The following RP1 variants were observed in gnomAD, a reference collection of about 807,000 sequenced individuals.
RP1 encodes the protein oxygen-regulated protein 1.
RP1 carries 16 observed loss-of-function variants against 14.8 expected under a neutral mutation model. The ratio of observed to expected loss-of-function variants is 1.08; its 90% confidence interval spans 0.73 to 1.65. The LOEUF (loss-of-function observed/expected upper bound fraction) is 1.65. RP1 is among the 40% of genes most tolerant of loss of function. The probability of loss-of-function intolerance (pLI) is 0.00; values close to 1 mark genes in which losing one functional copy is unlikely to be tolerated. For missense variants in RP1, 2,631 were observed against 2,535.0 expected, an observed-to-expected ratio of 1.04 and a Z score of -0.81; for synonymous variants, 876 against 883.6, an observed-to-expected ratio of 0.99 and a Z score of 0.15.
chr8:54,711,401 T>A (rs1015220538), intron 15 of RP1, among the ~76,000 whole-genome samples: 1 of 152,186 alleles, frequency 6.6e-6, no homozygotes, highest in African/African-American at 2.4e-5. Context: ...ATTTGAAATT[T>A]TACACAGCCT....
intron 24 of RP1, among the ~76,000 whole-genome samples, chr8:54,835,855 A>C (rs1036875158): frequency 6.6e-6 from 1 of 152,188 alleles, no homozygotes; most frequent in African/African-American, 2.4e-5. Context: ...ACTGATTTCT[A>C]TCATATTCCT....
intron 1 of RP1, among the ~76,000 whole-genome samples, chr8:54,583,850 C>T (rs1415126973): frequency 1.3e-5 from 2 of 152,004 alleles, no homozygotes; most frequent in Non-Finnish European, 2.9e-5. Context: ...GGTGATATCC[C>T]CTTTATCATT....
chr8:54,843,430 G>T (rs1300863422), intron 25 of RP1, among the ~76,000 whole-genome samples: 2 of 152,020 alleles, frequency 1.3e-5, no homozygotes, highest in African/African-American at 4.8e-5. Flanking sequence ...CAACCAAGAG[G>T]CAGAGGATGA....
At chr8:54,577,816 G>T (rs1352209046) in intron 1 of RP1, among the ~76,000 whole-genome samples, 1 of 152,206 alleles carries the variant, frequency 6.6e-6, no homozygotes, top group Admixed American at 6.5e-5. Context: ...TTGTTCAACT[G>T]CATTGTTAAA....
chr8:54,782,373 T>C (rs1422627536), intron 23 of RP1, among the ~76,000 whole-genome samples: 2 of 152,204 alleles, frequency 1.3e-5, no homozygotes, highest in African/African-American at 4.8e-5. Flanking sequence ...AAATGATGTT[T>C]ATGTATATAC....
At chr8:54,848,718 C>T (rs1434719279) in intron 25 of RP1, among the ~76,000 whole-genome samples, 4 of 152,094 alleles carry the variant, frequency 2.6e-5, no homozygotes, top group African/African-American at 9.7e-5. Flanking sequence ...TGATGAAGAA[C>T]AGTTCTTTCC....
chr8:54,580,976 G>A (rs1341542327), intron 1 of RP1, among the ~76,000 whole-genome samples: 1 of 151,488 alleles, frequency 6.6e-6, no homozygotes, highest in Non-Finnish European at 1.5e-5. Flanking sequence ...ATGAAATCAG[G>A]ACTCAAATTC....
At chr8:54,796,749 T>G (rs1279462934) in intron 24 of RP1, among the ~76,000 whole-genome samples, 2 of 152,090 alleles carry the variant, frequency 1.3e-5, no homozygotes, top group African/African-American at 4.8e-5. Context: ...ACTTCCAGGA[T>G]CCAGAATGGT....
intron 1 of RP1, among the ~76,000 whole-genome samples, chr8:54,569,835 C>T (rs1191158286): frequency 2.0e-5 from 3 of 152,136 alleles, no homozygotes; most frequent in Non-Finnish European, 4.4e-5. Context: ...CGACGTACCG[C>T]ATGATGTCAG....
At chr8:54,766,551 TG>T (rs1228883744) in intron 22 of RP1, among the ~76,000 whole-genome samples, 2 of 152,126 alleles carry the variant, frequency 1.3e-5, no homozygotes, top group African/African-American at 2.4e-5. Context: ...TTTTTGGGGA[TG>T]GGGGTGGAGA....
In RP1 at chr8:54,844,516, G is replaced by A. The variant is rs567930402; in HGVS notation, c.3835+6847G>A. Among the ~76,000 whole-genome samples, 11 of 151,426 alleles carry A rather than the reference G, an allele frequency of 7.3e-5. No individual in the cohort carries two copies. In the East Asian group the frequency reaches 7.8e-4, roughly 11 times the overall value. On this transcript the variant is annotated intron_variant, in intron 25 of 28. Transcript: ENST00000637698. Reference sequence around the variant, plus strand: ...TAGACATGCTTGTCTCTGTGTGTGCGTATGTGTGTGCGTGTGTAGACAAGC... The same window carrying A: ...TAGACATGCTTGTCTCTGTGTGTGCATATGTGTGTGCGTGTGTAGACAAGC...
intron 5 of RP1, among the ~76,000 whole-genome samples, chr8:54,653,071 C>A (rs1170263246): frequency 6.6e-6 from 1 of 152,108 alleles, no homozygotes; most frequent in East Asian, 1.9e-4. Flanking sequence ...GCAATTCTTT[C>A]ACCTCTTTGC....
chr8:54,805,085 T>C (rs187398718), intron 24 of RP1, among the ~76,000 whole-genome samples: 51 of 152,240 alleles, frequency 3.3e-4, no homozygotes, highest in African/African-American at 1.2e-3. Context: ...GGAGAGAGAA[T>C]CAACAACACT....
chr8:54,822,087 T>C (rs1450613580), intron 24 of RP1, among the ~76,000 whole-genome samples: 1 of 152,198 alleles, frequency 6.6e-6, no homozygotes, highest in Non-Finnish European at 1.5e-5. Flanking sequence ...TTAGTAATTA[T>C]ATTTGAAAGA....
chr8:54,636,669 T>C (rs1448706388), intron 3 of RP1, among the ~76,000 whole-genome samples: 1 of 152,030 alleles, frequency 6.6e-6, no homozygotes, highest in Non-Finnish European at 1.5e-5. Context: ...ACCCGGTAGG[T>C]GGAGGTAGCA....
chr8:54,789,802 A>G (rs1563377181), intron 24 of RP1, among the ~76,000 whole-genome samples: 2 of 152,184 alleles, frequency 1.3e-5, no homozygotes, highest in Non-Finnish European at 2.9e-5. Context: ...GTCCTCACTG[A>G]CTGTGGAGCA....
chr8:54,799,846 A>AAAGG (rs1296639811), intron 24 of RP1, among the ~76,000 whole-genome samples: 1 of 152,084 alleles, frequency 6.6e-6, no homozygotes, highest in Non-Finnish European at 1.5e-5. Flanking sequence ...GCAATATATA[A>AAAGG]TAACTGATTT....
intron 12 of RP1, among the ~76,000 whole-genome samples, chr8:54,695,959 TG>T (rs1342771035): frequency 1.3e-5 from 2 of 152,006 alleles, no homozygotes; most frequent in Admixed American, 6.6e-5. Flanking sequence ...CCATTTGGAG[TG>T]GTCTATTGAA....
At position 54,853,560 on chromosome 8, in the gene RP1, T is replaced by TCCATGGC. The variant is rs1812104844; in HGVS notation, c.3990+844_3990+850dup. ...CATCTCTGCCATTGTGGTTACTCCA[T>TCCATGGC]CCATGGCCCATGGCCCATTGCACCA... On this transcript the variant is annotated intron_variant, in intron 26 of 28. Coordinates refer to the RP1 transcript ENST00000637698. Among the ~76,000 whole-genome samples, 3 of 152,218 alleles carry TCCATGGC rather than the reference T, an allele frequency of 2.0e-5. No homozygotes were observed. In the South Asian group the frequency reaches 6.2e-4, roughly 32 times the overall value.
Sources: gnomAD v4.1 joint callset for allele counts (sites outside exome capture counted in the v4.1 genomes callset) on GRCh38, gnomAD v4.1.1 for gene constraint, MANE v1.5 for transcripts, NCBI Gene and HGNC (gene_info 2026-07-23, HGNC 2026-07-21) for gene names.